PXDNL: variants seen among roughly 807,000 people sequenced by gnomAD.
The protein encoded by PXDNL is peroxidasin like.
Under a neutral mutation model 150.8 loss-of-function variants are expected in PXDNL, and 145 were observed. That is an observed-to-expected ratio of 0.96 (90% CI 0.84 to 1.10). PXDNL has a LOEUF of 1.10. Among genes scored for constraint, PXDNL ranks in the 50% least tolerant of loss-of-function variants. The probability of loss-of-function intolerance (pLI) is 0.00; values close to 1 mark genes in which losing one functional copy is unlikely to be tolerated. For synonymous variants in PXDNL, 757 were observed against 725.7 expected (o/e 1.04, Z -0.69); for missense variants, 2,087 against 1,873.9 (o/e 1.11, Z -2.10).
intron 21 of PXDNL, among the ~76,000 whole-genome samples, chr8:51,325,776 G>A (rs574387223): frequency 5.9e-5 from 9 of 152,232 alleles, no homozygotes; most frequent in South Asian, 4.2e-4. Flanking sequence ...TGGCTTTCTC[G>A]GACAGCAGCC....
intron 1 of PXDNL, among the ~76,000 whole-genome samples, chr8:51,774,593 T>G (rs940860962): frequency 6.6e-6 from 1 of 151,292 alleles, no homozygotes; most frequent in Non-Finnish European, 1.5e-5. Flanking sequence ...CTGAGGCGGG[T>G]GGATCATGAA....
intron 6 of PXDNL, among the ~76,000 whole-genome samples, chr8:51,479,216 G>A (rs990313805): frequency 5.3e-5 from 8 of 152,168 alleles, no homozygotes; most frequent in African/African-American, 1.9e-4. Flanking sequence ...AAGGAATTTG[G>A]CACTTCAAGA....
At chr8:51,703,339 G>C (rs1226042806) in intron 1 of PXDNL, among the ~76,000 whole-genome samples, 1 of 151,146 alleles carries the variant, frequency 6.6e-6, no homozygotes, top group Non-Finnish European at 1.5e-5. Context: ...TCTGTGCACA[G>C]AATGCAGCCA....
chr8:51,749,757 G>A (rs1000514463), intron 1 of PXDNL, among the ~76,000 whole-genome samples: 6 of 152,152 alleles, frequency 3.9e-5, no homozygotes, highest in African/African-American at 1.4e-4. Flanking sequence ...CTGGAGTGCA[G>A]TGGCATGATC....
intron 3 of PXDNL, 78 bp from the exon 4 acceptor site, chr8:51,556,989 A>G: frequency 2.4e-6 from 2 of 831,582 alleles, no homozygotes; most frequent in Non-Finnish European, 4.0e-6. Flanking sequence ...TTTTTAAACT[A>G]TAAGCTGTGG....
At chr8:51,428,159 C>T (rs955083488) in intron 12 of PXDNL, among the ~76,000 whole-genome samples, 2 of 151,980 alleles carry the variant, frequency 1.3e-5, no homozygotes, top group East Asian at 1.9e-4. Flanking sequence ...ATAAATTTAA[C>T]AAAACATCTA....
intron 8 of PXDNL, among the ~76,000 whole-genome samples, chr8:51,461,507 G>T (rs551787616): frequency 5.3e-5 from 8 of 152,342 alleles, no homozygotes; most frequent in Non-Finnish European, 8.8e-5. Context: ...GCAGCCATCT[G>T]CTGGGCAAAA....
chr8:51,465,625 A>G (rs1586129004), intron 8 of PXDNL, among the ~76,000 whole-genome samples: 1 of 152,184 alleles, frequency 6.6e-6, no homozygotes, highest in African/African-American at 2.4e-5. Context: ...CTATTTGCTG[A>G]TAATATGATT....
At chr8:51,735,281 G>T (rs1257763082) in intron 1 of PXDNL, among the ~76,000 whole-genome samples, 2 of 151,864 alleles carry the variant, frequency 1.3e-5, no homozygotes, top group Non-Finnish European at 2.9e-5. Context: ...AGGAGTTTGA[G>T]ATCAGCCTGG....
chr8:51,500,758 G>GA (rs1481769967), intron 4 of PXDNL, among the ~76,000 whole-genome samples: 1 of 152,198 alleles, frequency 6.6e-6, no homozygotes, highest in African/African-American at 2.4e-5. Flanking sequence ...TATGTGGGAA[G>GA]ACACAGTGAA....
intron 21 of PXDNL, among the ~76,000 whole-genome samples, chr8:51,330,215 C>A (rs1482390633): frequency 6.6e-6 from 1 of 152,168 alleles, no homozygotes; most frequent in East Asian, 1.9e-4. Flanking sequence ...AACCAGATAG[C>A]TGGGCATCCC....
intron 3 of PXDNL, among the ~76,000 whole-genome samples, chr8:51,574,022 G>A (rs1812998871): frequency 6.6e-6 from 1 of 151,942 alleles, no homozygotes; most frequent in Non-Finnish European, 1.5e-5. Flanking sequence ...CATTTCTATT[G>A]TAAGCCACCC....
At chr8:51,523,265 T>G (rs2915453) in intron 4 of PXDNL, among the ~76,000 whole-genome samples, 57,414 of 152,044 alleles carry the variant, frequency 0.38, 12,548 homozygotes, top group African/African-American at 0.61. Flanking sequence ...ATAATGTTGT[T>G]AAACATCTAT....
intron 4 of PXDNL, among the ~76,000 whole-genome samples, chr8:51,549,431 C>T (rs113819794): frequency 0.026 from 3,966 of 152,046 alleles, 92 homozygotes; most frequent in African/African-American, 0.06. Flanking sequence ...TTATGACAGG[C>T]CACAAAACAA....
intron 4 of PXDNL, among the ~76,000 whole-genome samples, chr8:51,546,815 A>G (rs1812370247): frequency 6.6e-6 from 1 of 152,196 alleles, no homozygotes; most frequent in Admixed American, 6.5e-5. Context: ...GGCGGGGCAC[A>G]GCAGGAGTGA....
intron 1 of PXDNL, among the ~76,000 whole-genome samples, chr8:51,666,059 C>T (rs1469188773): frequency 1.3e-5 from 2 of 152,148 alleles, no homozygotes; most frequent in African/African-American, 2.4e-5. Context: ...AATTTTGTTG[C>T]ATTTCTTCTT....
intron 14 of PXDNL, 37 bp downstream of exon 14, chr8:51,423,538 T>C: frequency 1.3e-6 from 2 of 1,587,994 alleles, no homozygotes; most frequent in Non-Finnish European, 1.7e-6. Context: ...TCAAAGACAG[T>C]TATTTGGATG....
Position 51,696,844 on chromosome 8 carries a change from CTG to C in PXDNL, c.165-42086_165-42085del, listed in dbSNP as rs1255793842. ...ACACACACACACACACACACAGGTC[CTG>C]ACACACACACAGGTCCACACACATG... On this transcript the variant is annotated intron_variant, in intron 1 of 22. Transcript: ENST00000356297. Among the ~76,000 whole-genome samples the C allele has an allele frequency of 4.2e-3, 606 of 143,300 alleles. 9 individuals carry two copies. Among genetic ancestry groups the C allele is most frequent in the Admixed American group, 4.7e-3 (68 of 14,618 alleles). The allele number at this position is 143,300 out of a possible 152,430, so 94.0% of individuals were successfully genotyped here.
chr8:51,607,886 AAG>A (rs1813873369), intron 2 of PXDNL, among the ~76,000 whole-genome samples: 1 of 120,412 alleles, frequency 8.3e-6, no homozygotes, highest in Non-Finnish European at 1.7e-5. Context: ...GGAAGGAAGG[AAG>A]GAAGGAAGGT....
Sources: allele counts gnomAD v4.1 joint callset (sites outside exome capture counted in the v4.1 genomes callset), GRCh38; gene constraint gnomAD v4.1.1; transcripts MANE v1.5; gene names NCBI Gene and HGNC (gene_info 2026-07-23, HGNC 2026-07-21).